Variants in MICU1 observed in about 807,000 individuals in gnomAD.
MICU1 encodes mitochondrial calcium uptake 1.
MICU1 carries 45 observed loss-of-function variants against 56.8 expected under a neutral mutation model. That is an observed-to-expected ratio of 0.79 (90% CI 0.62 to 1.02). MICU1 has a LOEUF of 1.02. MICU1 is among the 50% of genes least tolerant of loss of function. The probability of loss-of-function intolerance (pLI) is 0.00; values close to 1 mark genes in which losing one functional copy is unlikely to be tolerated. For missense variants in MICU1, 504 were observed against 587.1 expected (o/e 0.86, Z 1.46); for synonymous variants, 186 against 195.1 (o/e 0.95, Z 0.39).
At chr10:72,560,770 T>C (rs1231319855) in intron 3 of MICU1, among the ~76,000 whole-genome samples, 1 of 152,146 alleles carries the variant, frequency 6.6e-6, no homozygotes. Flanking sequence ...CTCAGGAGGC[T>C]GAGGCATGAG....
At chr10:72,488,785 G>T (rs985041258) in intron 6 of MICU1, among the ~76,000 whole-genome samples, 10 of 152,026 alleles carry the variant, frequency 6.6e-5, no homozygotes, top group Non-Finnish European at 1.5e-4. Flanking sequence ...AATGTTTTTT[G>T]AGGCAAGATC....
intron 1 of MICU1, among the ~76,000 whole-genome samples, chr10:72,594,050 T>C (rs1451402876): frequency 6.6e-6 from 1 of 152,192 alleles, no homozygotes; most frequent in African/African-American, 2.4e-5. Context: ...AGAGACTGAA[T>C]AGCCAAAATA....
intron 1 of MICU1, among the ~76,000 whole-genome samples, chr10:72,600,500 T>C (rs1841498818): frequency 2.0e-5 from 3 of 151,322 alleles, no homozygotes; most frequent in Admixed American, 2.0e-4. Context: ...AATATAAAAA[T>C]TAGCTGGGCA....
At chr10:72,550,321 C>G (rs1840003720) in intron 4 of MICU1, among the ~76,000 whole-genome samples, 1 of 152,112 alleles carries the variant, frequency 6.6e-6, no homozygotes, top group South Asian at 2.1e-4. Flanking sequence ...GGTTTATAGT[C>G]TAGGAACAAT....
intron 5 of MICU1, among the ~76,000 whole-genome samples, chr10:72,512,256 G>A (rs1300846331): frequency 6.6e-6 from 1 of 151,548 alleles, no homozygotes; most frequent in African/African-American, 2.4e-5. Flanking sequence ...GATTACAGGT[G>A]CCCGCCACCA....
At chr10:72,572,379 C>T (rs1840633006) in intron 1 of MICU1, among the ~76,000 whole-genome samples, 1 of 152,068 alleles carries the variant, frequency 6.6e-6, no homozygotes, top group Admixed American at 6.6e-5. Flanking sequence ...CCAACTCAGA[C>T]CCAGATAAGT....
chr10:72,551,000 T>G (rs1239857925), intron 4 of MICU1, among the ~76,000 whole-genome samples, 179 bp downstream of exon 4: 1 of 152,192 alleles, frequency 6.6e-6, no homozygotes, highest in Non-Finnish European at 1.5e-5. Context: ...ATTGCCACAT[T>G]AGACTGCAGG....
chr10:72,585,770 T>C (rs1841032665), intron 1 of MICU1, among the ~76,000 whole-genome samples: 1 of 152,036 alleles, frequency 6.6e-6, no homozygotes. Flanking sequence ...TCCCTCAGTA[T>C]CTGCAAGGGA....
At chr10:72,532,521 C>A (rs963847210) in intron 5 of MICU1, among the ~76,000 whole-genome samples, 1 of 152,092 alleles carries the variant, frequency 6.6e-6, no homozygotes, top group Admixed American at 6.5e-5. Context: ...ACCTGACCCT[C>A]CAAAGACTCT....
chr10:72,604,842 G>A (rs1841644839), intron 1 of MICU1, among the ~76,000 whole-genome samples: 1 of 152,142 alleles, frequency 6.6e-6, no homozygotes, highest in African/African-American at 2.4e-5. Context: ...CTAGATACCA[G>A]ATCGTAACCA....
intron 2 of MICU1, among the ~76,000 whole-genome samples, chr10:72,564,544 GAAAAAAAAAA>G (rs11465166): frequency 2.0e-4 from 21 of 107,398 alleles, no homozygotes; most frequent in Admixed American, 2.3e-4. Flanking sequence ...ATCTCAAAAA[GAAAAAAAAAA>G]AAAAAAAAAG....
intron 8 of MICU1, among the ~76,000 whole-genome samples, chr10:72,436,570 T>C (rs1050935539): frequency 1.6e-4 from 24 of 152,136 alleles, no homozygotes; most frequent in South Asian, 1.5e-3. Flanking sequence ...CTTTGACGAG[T>C]TGACAGAAGT....
intron 11 of MICU1, among the ~76,000 whole-genome samples, chr10:72,369,711 GTTGT>G (rs1395553699): frequency 7.7e-4 from 117 of 151,542 alleles, no homozygotes; most frequent in African/African-American, 2.7e-3. Context: ...TGTTGTTGTT[GTTGT>G]TTGTTTGTTT....
chr10:72,400,866 TACACACACAC>T (rs61091649), intron 10 of MICU1, among the ~76,000 whole-genome samples: 6,077 of 142,328 alleles, frequency 0.043, 402 homozygotes, highest in African/African-American at 0.14. Flanking sequence ...CTGGTGGTGC[TACACACACAC>T]ACACACACAC....
intron 6 of MICU1, 53 bp from the exon 7 acceptor site, chr10:72,477,309 C>G: frequency 2.9e-6 from 4 of 1,398,942 alleles, no homozygotes; most frequent in Non-Finnish European, 3.9e-6. Context: ...AAATAAATCC[C>G]TTTTTAAAGA....
chr10:72,551,465 A>AT (rs1393845521), intron 3 of MICU1, 124 bp from the exon 4 acceptor site: 7 of 609,422 alleles, frequency 1.1e-5, no homozygotes, highest in African/African-American at 7.7e-5. Flanking sequence ...AAATTCTATC[A>AT]TTTTTTTCTA....
chr10:72,474,856 T>C (rs543829575), intron 8 of MICU1, among the ~76,000 whole-genome samples: 1 of 152,288 alleles, frequency 6.6e-6, no homozygotes, highest in East Asian at 1.9e-4. Flanking sequence ...AAACGGAACA[T>C]ACAAAGACAG....
intron 10 of MICU1, among the ~76,000 whole-genome samples, chr10:72,377,051 C>T (rs992886771): frequency 6.6e-6 from 1 of 152,096 alleles, no homozygotes; most frequent in Non-Finnish European, 1.5e-5. Context: ...ACTGGTTTTG[C>T]ACCAGACTTC....
intron 1 of MICU1, among the ~76,000 whole-genome samples, chr10:72,602,645 T>G (rs1385793385): frequency 6.6e-6 from 1 of 152,080 alleles, no homozygotes; most frequent in Non-Finnish European, 1.5e-5. Context: ...AAGAGAAAAT[T>G]TTAAAGAAAT....
Sources: allele counts gnomAD v4.1 joint callset (sites outside exome capture counted in the v4.1 genomes callset), GRCh38; gene constraint gnomAD v4.1.1; transcripts MANE v1.5; gene names NCBI Gene and HGNC (gene_info 2026-07-23, HGNC 2026-07-21).